TESPA1: variants seen among roughly 807,000 people sequenced by gnomAD.
TESPA1 encodes protein TESPA1.
A neutral mutation model predicts 57.9 loss-of-function variants in TESPA1; 33 were observed. That is an observed-to-expected ratio of 0.57 (90% confidence interval 0.43 to 0.76). The LOEUF is 0.76. Ranked by LOEUF, TESPA1 falls within the 30% of genes least tolerant of loss-of-function variation. The pLI is 0.00. For missense variants in TESPA1, 618 were observed against 632.9 expected, an observed-to-expected ratio of 0.98 and a Z score of 0.25; for synonymous variants, 227 against 228.9, an observed-to-expected ratio of 0.99 and a Z score of 0.07.
chr12:54,965,703 T>C (rs182801761), intron 7 of TESPA1, among the ~76,000 whole-genome samples: 1 of 152,318 alleles, frequency 6.6e-6, no homozygotes, highest in African/African-American at 2.4e-5. Flanking sequence ...TGAATTAATA[T>C]TTTATTGCTT....
chr12:54,958,502 G>GTTTT (rs1259575369), intron 10 of TESPA1, among the ~76,000 whole-genome samples: 2,894 of 138,420 alleles, frequency 0.021, 147 homozygotes, highest in East Asian at 0.16. Flanking sequence ...TTTTTTGTGC[G>GTTTT]TGTGTTTATT....
At chr12:54,969,019 ATG>A (rs147959428) in intron 3 of TESPA1, among the ~76,000 whole-genome samples, 4 of 127,822 alleles carry the variant, frequency 3.1e-5, no homozygotes, top group Non-Finnish European at 6.3e-5. Context: ...ATATTTATAT[ATG>A]TATATATATA....
At chr12:54,969,228 A>G (rs1044447998) in intron 3 of TESPA1, among the ~76,000 whole-genome samples, 2 of 151,616 alleles carry the variant, frequency 1.3e-5, no homozygotes, top group Non-Finnish European at 2.9e-5. Context: ...GGTAACTCTA[A>G]TAATGCACCT....
chr12:54,969,046 T>TATATATATATATATATAA (rs71070858), intron 3 of TESPA1, among the ~76,000 whole-genome samples: 6 of 124,472 alleles, frequency 4.8e-5, no homozygotes, highest in Admixed American at 1.8e-4. Context: ...TATATATATA[T>TATATATATATATATATAA]GTGTGTGTGT....
intron 10 of TESPA1, among the ~76,000 whole-genome samples, chr12:54,953,303 A>G (rs111979003): frequency 3.2e-3 from 492 of 152,102 alleles, no homozygotes; most frequent in African/African-American, 0.01. Context: ...TTCAGTTTTG[A>G]TCTTTCTCCA....
chr12:54,965,556 G>A (rs1342399499), intron 7 of TESPA1, among the ~76,000 whole-genome samples: 2 of 152,202 alleles, frequency 1.3e-5, no homozygotes, highest in African/African-American at 2.4e-5. Context: ...TAGTATTCGT[G>A]TATATGAACC....
chr12:54,959,616 T>C (rs1042398553), intron 10 of TESPA1, among the ~76,000 whole-genome samples: 23 of 152,244 alleles, frequency 1.5e-4, no homozygotes, highest in Non-Finnish European at 3.1e-4. Context: ...TTCTGATTCC[T>C]GGGGGAGTTT....
intron 1 of TESPA1, among the ~76,000 whole-genome samples, chr12:54,977,192 G>A (rs1250956539): frequency 6.6e-6 from 1 of 152,066 alleles, no homozygotes; most frequent in Non-Finnish European, 1.5e-5. Context: ...GTCATTTACT[G>A]CTGTGTTTCT....
At chr12:54,973,110 G>A (rs1231995481) in intron 3 of TESPA1, among the ~76,000 whole-genome samples, 3 of 152,150 alleles carry the variant, frequency 2.0e-5, no homozygotes, top group Non-Finnish European at 4.4e-5. Flanking sequence ...CAGCAAGAAT[G>A]ATCAGGTTTC....
intron 8 of TESPA1, 34 bp from the exon 9 acceptor site, chr12:54,963,276 G>C (rs1176051303): frequency 1.3e-6 from 2 of 1,562,790 alleles, no homozygotes; most frequent in African/African-American, 2.7e-5. Context: ...TAAGTCTGGG[G>C]TTCATCAGCA....
chr12:54,961,878 C>T (rs990785410), intron 9 of TESPA1, among the ~76,000 whole-genome samples: 11 of 152,042 alleles, frequency 7.2e-5, no homozygotes, highest in African/African-American at 2.4e-4. Context: ...TGTGCAGGCT[C>T]GGGTAACCAA....
rs865845741 is a variant in TESPA1, at chr12:54,969,044, T to C, written c.207-1152A>G. ...ATGTATATATATATATATATATATATATGTGTGTGTGTAGATAGATAGATA... is the reference window on the plus strand; with the variant it reads ...ATGTATATATATATATATATATATACATGTGTGTGTGTAGATAGATAGATA... On this transcript the variant is annotated intron_variant, in intron 3 of 10. Transcript: ENST00000449076. Among the ~76,000 whole-genome samples, 453 of 119,964 alleles carry C rather than the reference T, an allele frequency of 3.8e-3. 21 individuals are homozygous for C. The highest frequency in any genetic ancestry group is 0.015 in the African/African-American group (411 of 27,130). 78.7% of individuals were successfully genotyped at this position (119,964 alleles called of 152,430 possible).
intron 1 of TESPA1, chr12:54,981,972 C>T (rs1210297685): frequency 6.6e-6 from 1 of 152,404 alleles, no homozygotes; most frequent in African/African-American, 2.4e-5. Flanking sequence ...AGAGTGAGAA[C>T]CAGTGTGGGA....
intron 10 of TESPA1, among the ~76,000 whole-genome samples, chr12:54,953,849 T>C (rs1040591700): frequency 2.0e-5 from 3 of 152,120 alleles, no homozygotes; most frequent in Non-Finnish European, 4.4e-5. Flanking sequence ...CCAACACACA[T>C]CGTTAAAAAA....
intron 1 of TESPA1, among the ~76,000 whole-genome samples, chr12:54,982,396 C>T (rs1283272088): frequency 1.3e-5 from 2 of 152,176 alleles, no homozygotes; most frequent in Admixed American, 1.3e-4. Flanking sequence ...CAATAGAACT[C>T]CTATTCCCCT....
chr12:54,973,892 A>C (rs1952004571), intron 2 of TESPA1: 2 of 1,062,514 alleles, frequency 1.9e-6, no homozygotes, highest in Non-Finnish European at 2.3e-6. Flanking sequence ...ATTTATTTCC[A>C]TCAGAATTTT....
chr12:54,972,204 G>T (rs1485815292), intron 3 of TESPA1, among the ~76,000 whole-genome samples: 2 of 152,154 alleles, frequency 1.3e-5, no homozygotes, highest in African/African-American at 2.4e-5. Flanking sequence ...TCTTTGTAGA[G>T]CATGAGTGAA....
In TESPA1 at chr12:54,975,139, G is replaced by T. The variant is rs139345431; in HGVS notation, c.-45-532C>A. On this transcript the variant is annotated intron_variant, in intron 1 of 10. Transcript: ENST00000449076. ...ACTATAGGAATTCTGGGTTTTGTTT[G>T]TTTAGTTTTTGTCTTGATTTTTTAT... Among the ~76,000 whole-genome samples the T allele has an allele frequency of 3.3e-5, 5 of 151,406 alleles. No individual in the cohort carries two copies. In the East Asian group the frequency reaches 9.7e-4, roughly 30 times the overall value.
intron 6 of TESPA1, 42 bp from the exon 7 acceptor site, chr12:54,966,193 G>C (rs1348197608): frequency 1.3e-6 from 2 of 1,563,732 alleles, no homozygotes; most frequent in Non-Finnish European, 1.7e-6. Context: ...CTTGTTTCCA[G>C]TCTGCACCCT....
Sources: allele counts gnomAD v4.1 joint callset (sites outside exome capture counted in the v4.1 genomes callset), GRCh38; gene constraint gnomAD v4.1.1; transcripts MANE v1.5; gene names NCBI Gene and HGNC (gene_info 2026-07-23, HGNC 2026-07-21).